Variants in LGALS4 observed in about 807,000 individuals in gnomAD.
The protein encoded by LGALS4 is galectin 4.
A neutral mutation model predicts 39.6 loss-of-function variants in LGALS4; 37 were observed. That is an observed-to-expected ratio of 0.93 (90% confidence interval 0.72 to 1.23). The LOEUF (loss-of-function observed/expected upper bound fraction) is 1.23. Ranked by LOEUF, LGALS4 falls within the 50% of genes most tolerant of loss-of-function variation. The pLI, the probability that LGALS4 is intolerant of heterozygous loss-of-function variation, is 0.00. For missense variants in LGALS4, 397 were observed against 433.2 expected, an observed-to-expected ratio of 0.92 and a Z score of 0.74; for synonymous variants, 160 against 165.5, an observed-to-expected ratio of 0.97 and a Z score of 0.25.
chr19:38,807,290 C>A (rs941073107), intron 3 of LGALS4, among the ~76,000 whole-genome samples: 17 of 152,136 alleles, frequency 1.1e-4, no homozygotes, highest in Admixed American at 4.6e-4. Context: ...ATCACCTGAG[C>A]CCGGGGAGGT....
Position 38,802,058 on chromosome 19 carries a change from A to C in LGALS4, c.759T>G (p.Asn253Lys). Residue 253 changes from asparagine (N) to lysine (K), a missense_variant, in exon 9 of 10, where the codon AAT becomes AAG. Transcript: ENST00000307751. ...NGTVVRNSLL[N>K]GSWGSEEKKI... ...TCTTCTCCTCGGATCCCCACGAGCC[A>C]TTCAGAAGGCTGTTCCGGACCACGG... The C allele has an allele frequency of 6.2e-7, 1 of 1,614,244 alleles. No individual in the cohort carries two copies. The highest frequency in any genetic ancestry group is 8.5e-7 in the Non-Finnish European group (1 of 1,180,044).
chr19:38,812,803 G>C (rs529114777), intron 1 of LGALS4, 39 bp downstream of exon 1: 2 of 1,604,980 alleles, frequency 1.2e-6, no homozygotes, highest in Non-Finnish European at 1.7e-6. Context: ...GCTTATGGAC[G>C]GAGCTGCGGG....
chr19:38,802,151 A>G lies in LGALS4; in HGVS notation c.666T>C (p.Ala222=), dbSNP rs2145351164. The change falls in exon 9 of 10, where the codon GCT becomes GCC. Residue 222 remains alanine (A), a synonymous_variant. Coordinates refer to ENST00000307751, the MANE Select transcript of LGALS4 (RefSeq NM_006149.4). ...CTGAGGAGCCCACCTTGAAGTTGAT[A>G]GCAAAGCTGGGGACAGAGAGGGATG... is the stretch of plus-strand genomic sequence containing the variant. ...GYVPPTGKSF[A]INFKVGSSGD... 9 of 1,613,650 alleles carry G rather than the reference A, an allele frequency of 5.6e-6. No individual in the cohort carries two copies. Among genetic ancestry groups the G allele is most frequent in the Non-Finnish European group, 6.8e-6 (8 of 1,179,694 alleles).
intron 2 of LGALS4, among the ~76,000 whole-genome samples, chr19:38,809,206 TC>T (rs1230744144): frequency 6.4e-5 from 9 of 141,432 alleles, no homozygotes; most frequent in Non-Finnish European, 1.4e-4. Context: ...TGAGATGGAG[TC>T]TTGCTCTGTT....
intron 7 of LGALS4, 146 bp from the exon 8 acceptor site, chr19:38,802,550 A>G: frequency 1.6e-6 from 1 of 644,744 alleles, no homozygotes; most frequent in Non-Finnish European, 2.7e-6. Flanking sequence ...GCTGGAGTGC[A>G]GTGGCATGAT....
At chr19:38,812,640 T>A in intron 1 of LGALS4, 121 bp from the exon 2 acceptor site, 1 of 1,023,912 alleles carries the variant, frequency 9.8e-7, no homozygotes, top group South Asian at 1.4e-5. Context: ...GAGGACCAGG[T>A]TGAAGATGAC....
At chr19:38,803,481 GC>G (rs747942238) in intron 7 of LGALS4, 40 bp downstream of exon 7, 2 of 1,605,434 alleles carry the variant, frequency 1.2e-6, no homozygotes, top group Admixed American at 1.7e-5. Context: ...GGAGATCCGT[GC>G]CCCCTCCCCA....
At chr19:38,806,224 C>T (rs1441067016) in intron 4 of LGALS4, among the ~76,000 whole-genome samples, 5 of 151,700 alleles carry the variant, frequency 3.3e-5, no homozygotes, top group Non-Finnish European at 4.4e-5. Flanking sequence ...AAAAATTAGC[C>T]GGGCGTGGTG....
In LGALS4 at chr19:38,806,674, C is replaced by T. The variant is rs1971425838; in HGVS notation, c.340-79G>A. The T allele has an allele frequency of 4.0e-6, 6 of 1,502,918 alleles. No individual in the cohort carries two copies. In the Admixed American group the frequency reaches 1.1e-4, roughly 27 times the overall value. The allele number at this position is 1,502,918 out of a possible 1,614,324, so 93.1% of individuals were successfully genotyped here. A position where few individuals can be genotyped will look rare whatever the true frequency, so the allele number is the denominator to read the frequency against. On this transcript the variant is annotated intron_variant, in intron 3 of 9. Coordinates refer to ENST00000307751, the MANE Select transcript of LGALS4 (RefSeq NM_006149.4). ...ACAAACAGGAAGCAAGGGCAGGGCA[C>T]CCTGGCTCACGCCTCTAATCCCAGC...
chr19:38,811,251 A>T (rs1461039452), intron 2 of LGALS4, among the ~76,000 whole-genome samples: 3 of 152,044 alleles, frequency 2.0e-5, no homozygotes, highest in Admixed American at 2.0e-4. Context: ...CCACGAGGGC[A>T]GGGGTCTCTG....
rs777741497 is a variant in LGALS4 at position 38,801,838 on chromosome 19, G to A, written c.898C>T (p.Arg300Cys). ...TCCACCCTCTGGAAGGCCGAGAGGCGATGGGCAAAGTCAAAGAGGTGCTGG... is the reference window on the plus strand; with the variant it reads ...TCCACCCTCTGGAAGGCCGAGAGGCAATGGGCAAAGTCAAAGAGGTGCTGG... ...NGQHLFDFAH[R>C]LSAFQRVDTL... Residue 300 changes from arginine (R) to cysteine (C), a missense_variant, in exon 10 of 10, where the codon CGC becomes TGC. Arg to Cys is a radical substitution (Grantham distance 180). Transcript: ENST00000307751. 28 of 1,614,068 alleles carry A rather than the reference G, an allele frequency of 1.7e-5. No homozygotes were observed. Among genetic ancestry groups the A allele is most frequent in the Non-Finnish European group, 2.2e-5 (26 of 1,180,030 alleles).
At position 38,802,420 on chromosome 19, in the gene LGALS4, G is replaced by A. The variant is rs749280227; in HGVS notation, c.571-16C>T. ...ATGGCACAGGCTGTGGGAAGAGAAC[G>A]GGGGGTCCCATTCTCTCTCAGCTTA... On this transcript the variant is annotated splice_polypyrimidine_tract_variant and intron_variant, in intron 7 of 9. Transcript: ENST00000307751. The A allele has an allele frequency of 1.0e-5, 16 of 1,601,640 alleles. No individual in the cohort carries two copies. Among genetic ancestry groups the A allele is most frequent in the Middle Eastern group, 1.7e-4 (1 of 6,018 alleles).
At chr19:38,807,498 A>C (rs1951606148) in intron 3 of LGALS4, among the ~76,000 whole-genome samples, 2 of 152,168 alleles carry the variant, frequency 1.3e-5, no homozygotes, top group Non-Finnish European at 2.9e-5. Flanking sequence ...AGGATTTTTA[A>C]AAATAGGCAG....
At chr19:38,806,438 A>G (rs1369518636) in intron 4 of LGALS4, 23 bp downstream of exon 4, 5 of 1,606,658 alleles carry the variant, frequency 3.1e-6, no homozygotes, top group Non-Finnish European at 4.2e-6. Context: ...AAAGGACGCA[A>G]GAAGGGATGG....
rs776719081 is a variant in LGALS4 at position 38,802,082 on chromosome 19, G to C, written c.735C>G (p.Thr245=). Residue 245 remains threonine (T), a synonymous_variant, in exon 9 of 10, where the codon ACC becomes ACG. Transcript: ENST00000307751. ...LHINPRMGNG[T]VVRNSLLNGS... is the part of the protein sequence containing the mutation. The stretch of plus-strand genomic sequence containing the variant: ...CATTCAGAAGGCTGTTCCGGACCAC[G>C]GTACCGTTGCCCATGCGGGGATTAA... 1 of 1,614,094 alleles carries C rather than the reference G, an allele frequency of 6.2e-7. No individual in the cohort carries two copies. The highest frequency in any genetic ancestry group is 1.3e-5 in the African/African-American group (1 of 74,930).
At chr19:38,812,566 G>A (rs1386581171) in intron 1 of LGALS4, 47 bp from the exon 2 acceptor site, 2 of 1,559,780 alleles carry the variant, frequency 1.3e-6, no homozygotes, top group East Asian at 2.2e-5. Flanking sequence ...TCTGCCTGTT[G>A]CAGCCTTTAC....
At chr19:38,803,999 A>G (rs926589769) in intron 4 of LGALS4, 104 bp from the exon 5 acceptor site, 1 of 1,256,648 alleles carries the variant, frequency 8.0e-7, no homozygotes. Flanking sequence ...CACCACCACT[A>G]TGCCAGAGAA....
In LGALS4 at chr19:38,801,682, C is replaced by T; in HGVS notation, c.*82G>A. ...ATGGAGACACACACTCATGAGACAC[C>T]CTCAGACATTTTATTAGGGGCTTAG... On this transcript the variant is annotated 3_prime_UTR_variant, in exon 10 of 10. Transcript: ENST00000307751. 6.8e-7 allele frequency: 1 copy of T among 1,479,506 alleles called. No individual in the cohort carries two copies. Among genetic ancestry groups the T allele is most frequent in the Non-Finnish European group, 9.3e-7 (1 of 1,076,036 alleles). The allele number at this position is 1,479,506 out of a possible 1,614,324, so 91.6% of individuals were successfully genotyped here. A position where few individuals can be genotyped will look rare whatever the true frequency, so the allele number is the denominator to read the frequency against.
intron 4 of LGALS4, among the ~76,000 whole-genome samples, chr19:38,806,185 G>A (rs752133862): frequency 3.3e-5 from 5 of 151,908 alleles, no homozygotes; most frequent in Non-Finnish European, 5.9e-5. Context: ...GGCTAACACA[G>A]TGAAACCCTG....
Sources: allele counts gnomAD v4.1 joint callset (sites outside exome capture counted in the v4.1 genomes callset), GRCh38; gene constraint gnomAD v4.1.1; transcripts MANE v1.5; gene names NCBI Gene and HGNC (gene_info 2026-07-23, HGNC 2026-07-21).